The following FGD4 variants were observed in gnomAD, a reference collection of about 807,000 sequenced individuals.
FGD4 encodes FYVE, RhoGEF and PH domain-containing protein 4.
Under a neutral mutation model 102.0 loss-of-function variants are expected in FGD4, and 42 were observed. That is an observed-to-expected ratio of 0.41 (90% CI 0.32 to 0.53). The LOEUF is 0.53. Ranked by LOEUF, FGD4 falls within the 20% of genes least tolerant of loss-of-function variation. The pLI, the probability that FGD4 is intolerant of heterozygous loss-of-function variation, is 0.21. For missense variants in FGD4, 902 were observed against 1,078.2 expected (o/e 0.84, Z 2.29); for synonymous variants, 380 against 375.7 (o/e 1.01, Z -0.13).
At chr12:32,454,235 T>C (rs572357068) in intron 1 of FGD4, among the ~76,000 whole-genome samples, 3 of 152,292 alleles carry the variant, frequency 2.0e-5, no homozygotes, top group African/African-American at 7.2e-5. Context: ...ATGAGTAATA[T>C]GGGAGTGACT....
intron 1 of FGD4, among the ~76,000 whole-genome samples, chr12:32,501,577 T>G (rs1938219797): frequency 6.6e-6 from 1 of 152,212 alleles, no homozygotes; most frequent in African/African-American, 2.4e-5. Context: ...CCCCACAAAG[T>G]TCAATTAACA....
chr12:32,634,492 A>AC lies in FGD4; in HGVS notation c.2313+810dup, dbSNP rs956672926. 4.9e-4 allele frequency among the ~76,000 whole-genome samples: 74 copies of AC among 151,696 alleles called. 2 individuals carry two copies. Among genetic ancestry groups the AC allele is most frequent in the Admixed American group, 3.2e-3 (48 of 15,206 alleles). On this transcript the variant is annotated intron_variant, in intron 15 of 16. Coordinates refer to ENST00000534526, the MANE Select transcript of FGD4 (RefSeq NM_001370298.3). ...GACTAATGTTCTGGAAAAAATTCAG[A>AC]CCCCCCCACCCCAAGCCTGAGAACT... is the stretch of plus-strand genomic sequence containing the variant.
chr12:32,638,227 C>G (rs996174287), intron 15 of FGD4, among the ~76,000 whole-genome samples: 7 of 152,162 alleles, frequency 4.6e-5, no homozygotes, highest in African/African-American at 1.7e-4. Flanking sequence ...CTCCCAGCTA[C>G]TTGAGAGGCT....
At position 32,506,744 on chromosome 12, in the gene FGD4, G is replaced by T. The variant is rs1453920826; in HGVS notation, c.167-57393G>T. Among the ~76,000 whole-genome samples the T allele has an allele frequency of 1.3e-5, 2 of 152,060 alleles. No homozygotes were observed. The highest frequency in any genetic ancestry group is 4.8e-5 in the African/African-American group (2 of 41,368). On this transcript the variant is annotated intron_variant, in intron 1 of 16. Transcript: ENST00000534526. The surrounding 1 kb of genome is among the most constrained non-coding windows in gnomAD (Gnocchi z 4.5). ...ATTTACTCTATGCCATTCCTATTGC[G>T]ATGTGGAGGATATGGCATTGAGCAC... is the stretch of plus-strand genomic sequence containing the variant.
chr12:32,488,639 T>C (rs1943987055), intron 1 of FGD4, among the ~76,000 whole-genome samples: 1 of 152,126 alleles, frequency 6.6e-6, no homozygotes, highest in South Asian at 2.1e-4. Context: ...CAGATATATG[T>C]TAATGTTAAA....
chr12:32,504,042 T>G (rs1938462514), intron 1 of FGD4, among the ~76,000 whole-genome samples: 1 of 152,138 alleles, frequency 6.6e-6, no homozygotes, highest in Non-Finnish European at 1.5e-5. Flanking sequence ...TGTTATTGAG[T>G]TAAAGTTTTA....
At chr12:32,539,748 A>T (rs1465984545) in intron 1 of FGD4, among the ~76,000 whole-genome samples, 1 of 152,166 alleles carries the variant, frequency 6.6e-6, no homozygotes, top group African/African-American at 2.4e-5. Flanking sequence ...TGCAGTTAAA[A>T]TCTATGAACT....
chr12:32,467,475 C>T (rs751335687), intron 1 of FGD4, among the ~76,000 whole-genome samples: 4 of 152,050 alleles, frequency 2.6e-5, no homozygotes, highest in East Asian at 3.9e-4. Context: ...ATAAATAAAA[C>T]GTAATTAAAG....
intron 1 of FGD4, among the ~76,000 whole-genome samples, chr12:32,404,711 T>TA (rs1940848614): frequency 6.6e-6 from 1 of 152,204 alleles, no homozygotes; most frequent in East Asian, 1.9e-4. Flanking sequence ...TTTGTAACAT[T>TA]AAAAAATCTA....
At chr12:32,437,452 C>CA in intron 1 of FGD4, among the ~76,000 whole-genome samples, 1 of 152,284 alleles carries the variant, frequency 6.6e-6, no homozygotes, top group East Asian at 1.9e-4. Context: ...GCGAGGTGTC[C>CA]AACCGCACCC....
intron 1 of FGD4, among the ~76,000 whole-genome samples, chr12:32,496,888 G>A (rs972525767): frequency 6.6e-6 from 1 of 152,172 alleles, no homozygotes; most frequent in African/African-American, 2.4e-5. Context: ...TGGAAGGATA[G>A]GGAATATTAC....
chr12:32,417,742 A>T (rs1200984353), intron 1 of FGD4, among the ~76,000 whole-genome samples: 2 of 151,972 alleles, frequency 1.3e-5, no homozygotes, highest in Non-Finnish European at 2.9e-5. Context: ...ACTCTGATGC[A>T]TTCTTCAGTA....
chr12:32,631,561 C>G (rs987923649), intron 14 of FGD4, among the ~76,000 whole-genome samples: 40 of 145,366 alleles, frequency 2.8e-4, no homozygotes, highest in Non-Finnish European at 7.4e-5. Flanking sequence ...CTGGAGTGCA[C>G]TGGCGCGATC....
At chr12:32,564,108 A>G (rs1376886271) in intron 1 of FGD4, 29 bp from the exon 2 acceptor site, 1 of 1,530,780 alleles carries the variant, frequency 6.5e-7, no homozygotes, top group Admixed American at 2.0e-5. Context: ...CTCCATACTT[A>G]CCTGCCCTTT....
At chr12:32,428,152 T>C (rs1360236132) in intron 1 of FGD4, among the ~76,000 whole-genome samples, 1 of 152,144 alleles carries the variant, frequency 6.6e-6, no homozygotes, top group African/African-American at 2.4e-5. Flanking sequence ...AGTTTCTTCA[T>C]AGTATCAATG....
intron 1 of FGD4, among the ~76,000 whole-genome samples, chr12:32,465,735 G>T (rs1419902629): frequency 6.6e-6 from 1 of 151,946 alleles, no homozygotes; most frequent in African/African-American, 2.4e-5. Context: ...AGACTTAGAT[G>T]ATCGTTGTAT....
chr12:32,451,114 T>C (rs770736177), intron 1 of FGD4, among the ~76,000 whole-genome samples: 2 of 152,246 alleles, frequency 1.3e-5, no homozygotes, highest in Non-Finnish European at 2.9e-5. Flanking sequence ...AAAGTTCTTA[T>C]TGAGGTCTTG....
chr12:32,595,987 A>G (rs1475753290), intron 4 of FGD4, among the ~76,000 whole-genome samples: 2 of 152,256 alleles, frequency 1.3e-5, no homozygotes, highest in African/African-American at 2.4e-5. Flanking sequence ...CATGTGGTGA[A>G]CATAGTGAAG....
At chr12:32,422,525 C>T (rs1941678353) in intron 1 of FGD4, among the ~76,000 whole-genome samples, 3 of 151,342 alleles carry the variant, frequency 2.0e-5, no homozygotes, top group Non-Finnish European at 4.4e-5. Context: ...GTCTCGATCT[C>T]CTGACGTTGT....
Sources: gnomAD v4.1 joint callset for allele counts (sites outside exome capture counted in the v4.1 genomes callset) on GRCh38, gnomAD v4.1.1 for gene constraint, Gnocchi (gnomAD v3.1) non-coding constraint, MANE v1.5 for transcripts, NCBI Gene and HGNC (gene_info 2026-07-23, HGNC 2026-07-21) for gene names.